The following SNX25 variants were observed in gnomAD, a reference collection of about 807,000 sequenced individuals.
SNX25 encodes sorting nexin 25.
Under a neutral mutation model 113.7 loss-of-function variants are expected in SNX25, and 62 were observed. The observed-to-expected ratio is 0.55, with a 90% CI of 0.44 to 0.67. The LOEUF is 0.67. Among genes scored for constraint, SNX25 ranks in the 30% least tolerant of loss-of-function variants. SNX25 has a pLI of 0.00. For synonymous variants in SNX25, 421 were observed against 436.2 expected, an observed-to-expected ratio of 0.97 and a Z score of 0.43; for missense variants, 1,014 against 1,161.0, an observed-to-expected ratio of 0.87 and a Z score of 1.84.
chr4:185,367,316 T>C (rs1371545478), downstream of SNX25: 5 of 1,305,520 alleles, frequency 3.8e-6, no homozygotes, highest in East Asian at 7.1e-5. Flanking sequence ...TTTTTTTTTT[T>C]CTTTTTTGAT....
intron 6 of SNX25, among the ~76,000 whole-genome samples, chr4:185,306,226 G>A (rs540397477): frequency 3.5e-4 from 54 of 152,346 alleles, no homozygotes; most frequent in Non-Finnish European, 6.3e-4. Context: ...CCAGCAGCAT[G>A]GGATGCATGA....
chr4:185,218,745 T>C (rs1354540991), intron 1 of SNX25, among the ~76,000 whole-genome samples: 1 of 152,236 alleles, frequency 6.6e-6, no homozygotes, highest in Non-Finnish European at 1.5e-5. Context: ...ATCTATTCAA[T>C]AGACTTCCTA....
chr4:185,260,750 G>C (rs1342519672), intron 3 of SNX25, among the ~76,000 whole-genome samples: 1 of 152,202 alleles, frequency 6.6e-6, no homozygotes, highest in Non-Finnish European at 1.5e-5. Context: ...TAACATCCCA[G>C]ATGCCCTACA....
chr4:185,284,881 G>A (rs1367493590), intron 5 of SNX25, among the ~76,000 whole-genome samples: 1 of 152,144 alleles, frequency 6.6e-6, no homozygotes, highest in Non-Finnish European at 1.5e-5. Flanking sequence ...GGCATTCAAA[G>A]GACCATCCGT....
At chr4:185,218,935 C>T (rs556946515) in intron 1 of SNX25, among the ~76,000 whole-genome samples, 1 of 152,244 alleles carries the variant, frequency 6.6e-6, no homozygotes, top group South Asian at 2.1e-4. Context: ...ACCTCATCCT[C>T]TTGCAGTACT....
At chr4:185,224,935 G>T (rs1259039183) in intron 1 of SNX25, among the ~76,000 whole-genome samples, 1 of 151,488 alleles carries the variant, frequency 6.6e-6, no homozygotes, top group Non-Finnish European at 1.5e-5. Flanking sequence ...AGCCCTGTTT[G>T]TTTTTTTAAA....
exon 12 of SNX25, chr4:185,369,906 C>T (rs749579909): frequency 6.4e-6 from 2 of 314,068 alleles, no homozygotes; most frequent in Non-Finnish European, 1.2e-5. Context: ...AGCCAAGGGA[C>T]TCAGAAGACT....
chr4:185,289,764 T>C (rs1751888128), intron 6 of SNX25, among the ~76,000 whole-genome samples: 1 of 152,142 alleles, frequency 6.6e-6, no homozygotes, highest in East Asian at 1.9e-4. Context: ...ACTGGAGAGG[T>C]GTGCTGCCTT....
At chr4:185,339,660 C>T (rs1473567578) in intron 11 of SNX25, 150 bp downstream of exon 11, 2 of 962,000 alleles carry the variant, frequency 2.1e-6, no homozygotes, top group East Asian at 2.8e-5. Context: ...CCACAATTTT[C>T]ACTCCGGTTC....
At chr4:185,333,656 G>C (rs2095211100) in intron 10 of SNX25, among the ~76,000 whole-genome samples, 1 of 152,092 alleles carries the variant, frequency 6.6e-6, no homozygotes, top group South Asian at 2.1e-4. Context: ...CAAAAAAGAA[G>C]AAGGAAGAAA....
chr4:185,356,191 G>A (rs998425820), intron 15 of SNX25, among the ~76,000 whole-genome samples: 5 of 152,040 alleles, frequency 3.3e-5, no homozygotes, highest in African/African-American at 1.2e-4. Context: ...ACTAGGGAAG[G>A]TGAGGGAAAA....
chr4:185,217,648 C>T (rs1338950747), intron 1 of SNX25, among the ~76,000 whole-genome samples: 1 of 152,120 alleles, frequency 6.6e-6, no homozygotes, highest in Non-Finnish European at 1.5e-5. Context: ...CTGTTGCCTT[C>T]CTAAAAATAT....
intron 1 of SNX25, among the ~76,000 whole-genome samples, chr4:185,241,734 C>T (rs1330206312): frequency 6.6e-6 from 1 of 152,066 alleles, no homozygotes; most frequent in African/African-American, 2.4e-5. Context: ...TGAAGATTAT[C>T]AGTTATCCTT....
Position 185,292,249 on chromosome 4 carries a change from A to G in SNX25, c.1162+4167A>G, listed in dbSNP as rs545900994. On this transcript the variant is annotated intron_variant, in intron 6 of 18. Transcript: ENST00000652585. The stretch of plus-strand genomic sequence containing the variant: ...AATCAGTGCTCTCGGGTCTAGTAAG[A>G]ATGAAGGGAAGCAGTGACGAGGGGA... 4.6e-5 allele frequency among the ~76,000 whole-genome samples: 7 copies of G among 152,252 alleles called. No homozygotes were observed. In the East Asian group the frequency reaches 1.4e-3, roughly 29 times the overall value.
rs61536964 is a variant in SNX25 at position 185,319,513 on chromosome 4, C to CTTT, written c.1345-1208_1345-1206dup. Among the ~76,000 whole-genome samples the CTTT allele has an allele frequency of 5.8e-3, 827 of 142,980 alleles. 4 individuals are homozygous for CTTT. The highest frequency in any genetic ancestry group is 8.1e-3 in the Non-Finnish European group (528 of 65,212). The allele number at this position is 142,980 out of a possible 152,430, so 93.8% of individuals were successfully genotyped here. On this transcript the variant is annotated intron_variant, in intron 7 of 18. Coordinates refer to ENST00000652585, the MANE Select transcript of SNX25 (RefSeq NM_001378034.2). ...CACAGCTGGCCTGGGAAAGTCCATTCTTTTTTTTTTTTTTATCACTTTTCC... is the reference window on the plus strand; with the variant it reads ...CACAGCTGGCCTGGGAAAGTCCATTCTTTTTTTTTTTTTTTTTATCACTTTTCC...
rs747399143 is a variant in SNX25, at chr4:185,351,532, G to T, written c.2389G>T (p.Val797Leu). Residue 797 changes from valine (V) to leucine (L), a missense_variant, in exon 14 of 19, where the codon GTG (valine) becomes TTG (leucine). By Grantham distance (32) the Val-to-Leu change is conservative. Coordinates refer to ENST00000652585, the MANE Select transcript of SNX25 (RefSeq NM_001378034.2). ...PSPDYLKVID[V>L]QGKKNSFSLS... ...TCCTGACTACCTCAAGGTTATCGAC[G>T]TGCAGGGGAAAAAAAATTCTTTTTC... The T allele has an allele frequency of 8.1e-6, 13 of 1,614,074 alleles. No individual in the cohort carries two copies. Among genetic ancestry groups the T allele is most frequent in the South Asian group, 1.1e-5 (1 of 91,086 alleles).
chr4:185,322,013 A>G (rs1433353669), intron 8 of SNX25, among the ~76,000 whole-genome samples: 1 of 152,206 alleles, frequency 6.6e-6, no homozygotes, highest in African/African-American at 2.4e-5. Flanking sequence ...AGATCTTAGA[A>G]CCAATCTTCC....
intron 9 of SNX25, among the ~76,000 whole-genome samples, chr4:185,324,533 G>C (rs2095142519): frequency 6.6e-6 from 1 of 151,948 alleles, no homozygotes; most frequent in South Asian, 2.1e-4. Flanking sequence ...GAATGTCTCC[G>C]ATCAGAGGGG....
At chr4:185,360,950 T>TAGATAG (rs1554014180) in intron 16 of SNX25, among the ~76,000 whole-genome samples, 4 of 141,760 alleles carry the variant, frequency 2.8e-5, no homozygotes, top group Non-Finnish European at 6.1e-5. Context: ...TATATATATA[T>TAGATAG]ATAGAATCTG....
Sources: allele counts gnomAD v4.1 joint callset (sites outside exome capture counted in the v4.1 genomes callset), GRCh38; gene constraint gnomAD v4.1.1; transcripts MANE v1.5; gene names NCBI Gene and HGNC (gene_info 2026-07-23, HGNC 2026-07-21).